CHD1L: variants seen among roughly 807,000 people sequenced by gnomAD.
CHD1L encodes the protein ATP-dependent chromatin remodeler CHD1L.
CHD1L carries 118 observed loss-of-function variants against 115.9 expected under a neutral mutation model. That is an observed-to-expected ratio of 1.02 (90% CI 0.88 to 1.19). The LOEUF is 1.19. Ranked by LOEUF, CHD1L falls within the 50% of genes most tolerant of loss-of-function variation. The pLI, the probability that CHD1L is intolerant of heterozygous loss-of-function variation, is 0.00. For synonymous variants in CHD1L, 411 were observed against 387.1 expected (o/e 1.06, Z -0.72); for missense variants, 1,179 against 1,065.3 (o/e 1.11, Z -1.49).
At chr1:147,288,506 C>G (rs1684278134) in intron 19 of CHD1L, among the ~76,000 whole-genome samples, 1 of 151,598 alleles carries the variant, frequency 6.6e-6, no homozygotes. Flanking sequence ...TATGGCAAAG[C>G]CCTGTCTCTA....
chr1:147,270,833 T>G (rs1306476122), intron 10 of CHD1L, 99 bp from the exon 11 acceptor site: 7 of 947,140 alleles, frequency 7.4e-6, no homozygotes, highest in Non-Finnish European at 1.2e-5. Flanking sequence ...ACTTTGGTAT[T>G]TATTTATAAA....
chr1:147,177,137 A>G, the CHD1L span, among the ~76,000 whole-genome samples: 1 of 152,048 alleles, frequency 6.6e-6, no homozygotes, highest in Non-Finnish European at 1.5e-5. Context: ...GCCTAATTCT[A>G]GGACTGGGGC....
At chr1:147,184,522 A>T in the CHD1L span, 1 of 1,547,986 alleles carries the variant, frequency 6.5e-7, no homozygotes, top group African/African-American at 1.4e-5. The surrounding 1 kb of genome is among the most constrained non-coding windows in gnomAD (Gnocchi z 4.4). Context: ...TTATTCCGGG[A>T]CAATTTCTCA....
At chr1:147,280,611 G>A (rs587626079) in intron 15 of CHD1L, among the ~76,000 whole-genome samples, 103 of 152,162 alleles carry the variant, frequency 6.8e-4, no homozygotes, top group African/African-American at 2.3e-3. Flanking sequence ...TTTATTTTGC[G>A]TTCATCAACA....
the CHD1L span, among the ~76,000 whole-genome samples, chr1:147,195,917 G>T: frequency 6.6e-6 from 1 of 152,014 alleles, no homozygotes; most frequent in Non-Finnish European, 1.5e-5. Flanking sequence ...ATAATTATTT[G>T]ACTGCTCTGG....
chr1:147,265,457 A>C (rs587613725), intron 7 of CHD1L, among the ~76,000 whole-genome samples: 1 of 152,230 alleles, frequency 6.6e-6, no homozygotes. Flanking sequence ...ATTTAGAATA[A>C]TTTTTGAAAT....
upstream of CHD1L, among the ~76,000 whole-genome samples, chr1:147,240,449 G>C (rs1467805362): frequency 6.6e-6 from 1 of 152,212 alleles, no homozygotes; most frequent in African/African-American, 2.4e-5. Flanking sequence ...TTCTCCCCAT[G>C]TGATAGCCTG....
At chr1:147,225,469 C>T in the CHD1L span, 1 of 168,070 alleles carries the variant, frequency 5.9e-6, no homozygotes, top group South Asian at 1.5e-4. Context: ...ACCCATTCTC[C>T]CTCCCTCGAT....
intron 13 of CHD1L, among the ~76,000 whole-genome samples, chr1:147,275,782 TA>T (rs1344302937): frequency 5.7e-5 from 8 of 139,364 alleles, no homozygotes; most frequent in Admixed American, 7.1e-5. Context: ...GGAGCTAAGC[TA>T]AAAAAAAAAA....
chr1:147,295,454 C>G lies in CHD1L; in HGVS notation c.2639C>G (p.Ser880Cys). The change falls in exon 23 of 23, where the codon TCT becomes TGT. Residue 880 changes from serine to cysteine, a missense_variant. Transcript: ENST00000369258. ...TYIYYFPRSK[S>C]AVLHSQSSSS... The stretch of plus-strand genomic sequence containing the variant: ...AGATATTATTTTCCTAGAAGCAAGT[C>G]TGCTGTCCTTCATTCACAGTCTTCA... 6.2e-7 allele frequency: 1 copy of G among 1,611,324 alleles called. No homozygotes were observed. Among genetic ancestry groups the G allele is most frequent in the Non-Finnish European group, 8.5e-7 (1 of 1,178,258 alleles).
chr1:147,281,796 AATATAT>A (rs1341704741), intron 15 of CHD1L, among the ~76,000 whole-genome samples: 1 of 151,612 alleles, frequency 6.6e-6, no homozygotes, highest in Non-Finnish European at 1.5e-5. Flanking sequence ...TCTTTAAAAA[AATATAT>A]ATATATTTAT....
In CHD1L at chr1:147,295,489, T is replaced by G. The variant is rs782010267; in HGVS notation, c.2674T>G (p.Ser892Ala). 2 of 1,610,626 alleles carry G rather than the reference T, an allele frequency of 1.2e-6. No individual in the cohort carries two copies. Among genetic ancestry groups the G allele is most frequent in the Non-Finnish European group, 1.7e-6 (2 of 1,178,090 alleles). ...VLHSQSSSSSSRQLVP is the reference protein window; with the variant it reads ...VLHSQSSSSSARQLVP ...TCATTCACAGTCTTCATCTTCCTCC[T>G]CAAGACAGCTGGTGCCTTAAGAATT... Residue 892 changes from serine (S) to alanine (A), a missense_variant, in exon 23 of 23, where the codon TCA (serine) becomes GCA (alanine). Ser to Ala is a moderately conservative substitution (Grantham distance 99). Coordinates refer to ENST00000369258, the MANE Select transcript of CHD1L (RefSeq NM_004284.6).
intron 16 of CHD1L, 143 bp from the exon 17 acceptor site, chr1:147,285,181 C>A: frequency 1.1e-6 from 1 of 923,918 alleles, no homozygotes; most frequent in Non-Finnish European, 1.6e-6. Flanking sequence ...GCTTTGCCTC[C>A]AGTTCCCACC....
chr1:147,218,138 T>C, the CHD1L span, among the ~76,000 whole-genome samples: 1 of 152,194 alleles, frequency 6.6e-6, no homozygotes. Flanking sequence ...GTCAAATGCA[T>C]AGATATATTT....
At chr1:147,184,467 C>T in the CHD1L span, 1 of 1,456,358 alleles carries the variant, frequency 6.9e-7, no homozygotes, top group East Asian at 2.6e-5. The surrounding 1 kb of genome is among the most constrained non-coding windows in gnomAD (Gnocchi z 4.4). Flanking sequence ...GGAGTCCATC[C>T]AGGATACTAC....
At chr1:147,280,572 G>A (rs1434313629) in intron 15 of CHD1L, among the ~76,000 whole-genome samples, 3 of 152,148 alleles carry the variant, frequency 2.0e-5, no homozygotes, top group Non-Finnish European at 4.4e-5. Context: ...AGAATTACTT[G>A]TTTTTAAAAT....
At chr1:147,184,219 A>C in the CHD1L span, 2 of 205,024 alleles carry the variant, frequency 9.8e-6, no homozygotes, top group Non-Finnish European at 1.9e-5. This position sits in a 1 kb window ranked among gnomAD's most constrained non-coding sequence, Gnocchi z 4.4. Context: ...AAATAATAAT[A>C]ATAACTCCAC....
At chr1:147,252,124 G>C (rs1668595732) in intron 1 of CHD1L, among the ~76,000 whole-genome samples, 1 of 152,134 alleles carries the variant, frequency 6.6e-6, no homozygotes, top group African/African-American at 2.4e-5. Flanking sequence ...AATACCCTTT[G>C]TGAAACATCA....
the CHD1L span, among the ~76,000 whole-genome samples, chr1:147,211,983 G>A: frequency 4.6e-5 from 7 of 152,282 alleles, no homozygotes; most frequent in South Asian, 1.2e-3. Context: ...CAATGATCAC[G>A]CGTGCTTTCC....
Sources: gnomAD v4.1 joint callset for allele counts (sites outside exome capture counted in the v4.1 genomes callset) on GRCh38, gnomAD v4.1.1 for gene constraint, Gnocchi (gnomAD v3.1) non-coding constraint, MANE v1.5 for transcripts, NCBI Gene and HGNC (gene_info 2026-07-23, HGNC 2026-07-21) for gene names.